TFDP2: variants seen among roughly 807,000 people sequenced by gnomAD.
The protein encoded by TFDP2 is transcription factor Dp-2 (E2F dimerization partner 2).
A neutral mutation model predicts 59.3 loss-of-function variants in TFDP2; 17 were observed. The ratio of observed to expected loss-of-function variants is 0.29; its 90% CI spans 0.20 to 0.43. TFDP2 has a LOEUF of 0.43. Among genes scored for constraint, TFDP2 ranks in the 20% least tolerant of loss-of-function variants. The pLI, the probability that TFDP2 is intolerant of heterozygous loss-of-function variation, is 1.00. For missense variants in TFDP2, 391 were observed against 528.8 expected, an observed-to-expected ratio of 0.74 and a Z score of 2.56; for synonymous variants, 180 against 194.7, an observed-to-expected ratio of 0.92 and a Z score of 0.63.
At chr3:142,080,316 G>C (rs866112733) in intron 3 of TFDP2, among the ~76,000 whole-genome samples, 25 of 152,182 alleles carry the variant, frequency 1.6e-4, no homozygotes, top group Admixed American at 1.2e-3. Context: ...AAGCCTCATA[G>C]TAACCTCAAA....
chr3:142,034,463 A>C (rs74748339), intron 3 of TFDP2, among the ~76,000 whole-genome samples: 1 of 152,046 alleles, frequency 6.6e-6, no homozygotes, highest in Non-Finnish European at 1.5e-5. Flanking sequence ...ACACAACCAC[A>C]GTTAGGCACT....
intron 11 of TFDP2, among the ~76,000 whole-genome samples, chr3:141,953,685 GGTTA>G (rs1311711726): frequency 6.6e-6 from 1 of 151,534 alleles, no homozygotes; most frequent in Non-Finnish European, 1.5e-5. Context: ...ACAATGTGCA[GGTTA>G]GTTACATATG....
chr3:142,147,058 CAAAAA>C (rs3070389), intron 1 of TFDP2, among the ~76,000 whole-genome samples: 3 of 105,110 alleles, frequency 2.9e-5, no homozygotes, highest in Non-Finnish European at 4.1e-5. Context: ...AACCCTGTCT[CAAAAA>C]AAAAAAAAAA....
chr3:142,144,979 G>A (rs1010862876), intron 1 of TFDP2, among the ~76,000 whole-genome samples: 4 of 152,202 alleles, frequency 2.6e-5, no homozygotes, highest in African/African-American at 7.2e-5. Context: ...AGAAGGAATG[G>A]TGGCAGACTA....
chr3:142,078,123 C>T (rs1343769373), intron 3 of TFDP2, among the ~76,000 whole-genome samples: 1 of 152,106 alleles, frequency 6.6e-6, no homozygotes, highest in Non-Finnish European at 1.5e-5. Flanking sequence ...GTGAGAAGGA[C>T]TTTGTCTTGT....
rs1944138969 is a variant in TFDP2, at chr3:142,005,529, A to G, written c.98T>C (p.Val33Ala). The G allele has an allele frequency of 1.3e-6, 2 of 1,597,370 alleles. No individual in the cohort carries two copies. The highest frequency in any genetic ancestry group is 2.2e-5 in the East Asian group (1 of 44,634). The change falls in exon 4 of 13, where the codon GTT (valine) becomes GCT (alanine). Residue 33 changes from valine (V) to alanine (A), a missense_variant. Coordinates refer to ENST00000489671, the MANE Select transcript of TFDP2 (RefSeq NM_001178139.2). ...GTTGGTATTGGAAACTGGAAATGCA[A>G]CAAATGAAATGTTGCCTGAAATGAT... The part of the protein sequence containing the change: ...LSPTKGNISF[V>A]AFPVSNTNSP...
intron 11 of TFDP2, among the ~76,000 whole-genome samples, chr3:141,953,771 A>G (rs1442089706): frequency 2.3e-4 from 31 of 135,040 alleles, no homozygotes; most frequent in African/African-American, 7.8e-4. Context: ...TCCTAATGCT[A>G]TCCCTCCCCC....
At chr3:141,971,506 C>T (rs970835788) in intron 8 of TFDP2, among the ~76,000 whole-genome samples, 22 of 151,290 alleles carry the variant, frequency 1.5e-4, no homozygotes, top group Admixed American at 5.9e-4. Context: ...CCGAAGATTG[C>T]GCCACTGAAC....
At chr3:142,054,694 T>C (rs184593226) in intron 3 of TFDP2, among the ~76,000 whole-genome samples, 21 of 152,002 alleles carry the variant, frequency 1.4e-4, no homozygotes, top group East Asian at 9.6e-4. Flanking sequence ...CCCAGCTGAT[T>C]TGTGATTTGT....
At chr3:142,048,181 G>A (rs1360237620) in intron 3 of TFDP2, among the ~76,000 whole-genome samples, 3 of 152,132 alleles carry the variant, frequency 2.0e-5, no homozygotes, top group Non-Finnish European at 4.4e-5. Flanking sequence ...TTGGGAGGAT[G>A]AGGTGGGCTC....
intron 3 of TFDP2, among the ~76,000 whole-genome samples, chr3:142,081,612 C>A (rs2108583691): frequency 6.6e-6 from 1 of 151,914 alleles, no homozygotes; most frequent in East Asian, 1.9e-4. Flanking sequence ...AGAGAGAAGA[C>A]CCAAATAAAT....
At chr3:142,074,621 G>A (rs933430017) in intron 3 of TFDP2, among the ~76,000 whole-genome samples, 26 of 152,082 alleles carry the variant, frequency 1.7e-4, no homozygotes, top group African/African-American at 6.3e-4. Flanking sequence ...GGAGGCCGAG[G>A]CAGGTGGATC....
intron 1 of TFDP2, among the ~76,000 whole-genome samples, chr3:142,115,978 C>T (rs2061840684): frequency 6.6e-6 from 1 of 152,234 alleles, no homozygotes; most frequent in Non-Finnish European, 1.5e-5. Flanking sequence ...CCTGATTTGG[C>T]CAATGTACTA....
intron 3 of TFDP2, among the ~76,000 whole-genome samples, chr3:142,016,189 G>T (rs1945120528): frequency 6.7e-6 from 1 of 149,888 alleles, no homozygotes; most frequent in Admixed American, 6.7e-5. Flanking sequence ...TTTTTGTAGA[G>T]ATGGGGTTTC....
At chr3:141,964,930 C>T (rs1434361511) in intron 9 of TFDP2, among the ~76,000 whole-genome samples, 1 of 152,116 alleles carries the variant, frequency 6.6e-6, no homozygotes, top group African/African-American at 2.4e-5. Flanking sequence ...CTTGCCGCTA[C>T]TTTTAGTTAT....
In TFDP2 at chr3:141,993,110, G is replaced by C. The variant is rs112043435; in HGVS notation, c.356+428C>G. On this transcript the variant is annotated intron_variant, in intron 6 of 12. Transcript: ENST00000489671. ...AGCACTTTGGGAGGCTGAGGCAGGA[G>C]AATTGCTTGAACCCGGGAGGCAGAG... Among the ~76,000 whole-genome samples, 562 of 151,878 alleles carry C rather than the reference G, an allele frequency of 3.7e-3. 4 individuals carry two copies. Among genetic ancestry groups the C allele is most frequent in the African/African-American group, 0.013 (518 of 41,314 alleles).
chr3:142,022,088 T>C lies in TFDP2; in HGVS notation c.83-16544A>G, dbSNP rs568779129. ...GTTTTGAAATGTATCTTCTGATTAATAATTGAGGAAGTTTACTGTATGTCC... is the reference window on the plus strand; with the variant it reads ...GTTTTGAAATGTATCTTCTGATTAACAATTGAGGAAGTTTACTGTATGTCC... On this transcript the variant is annotated intron_variant, in intron 3 of 12. Coordinates refer to ENST00000489671, the MANE Select transcript of TFDP2 (RefSeq NM_001178139.2). Among the ~76,000 whole-genome samples the C allele has an allele frequency of 2.9e-4, 44 of 152,358 alleles. 1 individual carries two copies. The South Asian group carries it at 8.7e-3, about 30-fold the overall frequency.
intron 3 of TFDP2, among the ~76,000 whole-genome samples, chr3:142,022,146 C>A (rs1274317100): frequency 6.6e-6 from 1 of 152,140 alleles, no homozygotes. Flanking sequence ...TCCTTCCCGG[C>A]AGTTCTTCCC....
chr3:142,003,177 T>C (rs1943947029), intron 4 of TFDP2, among the ~76,000 whole-genome samples: 1 of 152,082 alleles, frequency 6.6e-6, no homozygotes, highest in Non-Finnish European at 1.5e-5. Context: ...ATTTTTTGTA[T>C]TTTAGTAGAC....
Sources: allele counts gnomAD v4.1 joint callset (sites outside exome capture counted in the v4.1 genomes callset), GRCh38; gene constraint gnomAD v4.1.1; transcripts MANE v1.5; gene names NCBI Gene and HGNC (gene_info 2026-07-23, HGNC 2026-07-21).